The following METTL22 variants were observed in gnomAD, a reference collection of about 807,000 sequenced individuals.
METTL22 encodes the protein methyltransferase-like protein 22.
In METTL22, 51 loss-of-function variants were observed where a neutral mutation model predicts 48.4. The observed-to-expected ratio is 1.05, with a 90% confidence interval of 0.84 to 1.33. The LOEUF is 1.33. Among genes scored for constraint, METTL22 ranks in the 40% most tolerant of loss-of-function variants. METTL22 has a pLI of 0.00. For missense variants in METTL22, 678 were observed against 526.9 expected, an observed-to-expected ratio of 1.29 and a Z score of -2.81; for synonymous variants, 255 against 214.1, an observed-to-expected ratio of 1.19 and a Z score of -1.67.
At position 8,646,281 on chromosome 16, in the gene METTL22, A is replaced by G. The variant is rs190455664; in HGVS notation, c.*138A>G. 826 of 1,140,116 alleles carry G rather than the reference A, an allele frequency of 7.2e-4. 1 individual carries two copies. In the East Asian group the frequency reaches 0.016, roughly 21 times the overall value. 70.6% of individuals were successfully genotyped at this position (1,140,116 alleles called of 1,614,324 possible). A position where few individuals can be genotyped will look rare whatever the true frequency, so the allele number is the denominator to read the frequency against. Reference sequence around the variant, plus strand: ...TTACACGTACCTTAGATGACCCAAGATGGTTTTCTGGGGTCTGTCCCTGCC... The same window carrying G: ...TTACACGTACCTTAGATGACCCAAGGTGGTTTTCTGGGGTCTGTCCCTGCC... On this transcript the variant is annotated 3_prime_UTR_variant, in exon 11 of 11. Transcript: ENST00000381920.
At chr16:8,633,184 C>G (rs1041559136) in intron 3 of METTL22, among the ~76,000 whole-genome samples, 4 of 152,180 alleles carry the variant, frequency 2.6e-5, no homozygotes, top group African/African-American at 9.7e-5. Context: ...CACAAGCACA[C>G]AAGCCTTCAG....
chr16:8,658,552 G>C, the METTL22 span, among the ~76,000 whole-genome samples: 1 of 152,212 alleles, frequency 6.6e-6, no homozygotes, highest in Non-Finnish European at 1.5e-5. Context: ...CTCCAGAAGA[G>C]CTAGGTGGAC....
downstream of METTL22, among the ~76,000 whole-genome samples, chr16:8,650,175 T>G (rs949987405): frequency 6.6e-6 from 1 of 152,188 alleles, no homozygotes; most frequent in East Asian, 1.9e-4. Context: ...AACTTTTTTT[T>G]AATTAGCCAG....
chr16:8,644,368 C>T, intron 9 of METTL22, 189 bp from the exon 10 acceptor site: 1 of 554,160 alleles, frequency 1.8e-6, no homozygotes, highest in Non-Finnish European at 3.2e-6. Flanking sequence ...TATCCACTTC[C>T]ACCTCCTGGG....
At chr16:8,645,982 A>AGTTCGCCT in intron 10 of METTL22, 126 bp from the exon 11 acceptor site, 1 of 1,268,478 alleles carries the variant, frequency 7.9e-7, no homozygotes, top group East Asian at 3.0e-5. Flanking sequence ...CTCCTGCCCC[A>AGTTCGCCT]GCTCGCCTGC....
At chr16:8,660,319 G>T in the METTL22 span, among the ~76,000 whole-genome samples, 1 of 151,944 alleles carries the variant, frequency 6.6e-6, no homozygotes, top group Non-Finnish European at 1.5e-5. Context: ...AACTACAAGC[G>T]CACACCACCA....
intron 3 of METTL22, among the ~76,000 whole-genome samples, chr16:8,633,506 T>C (rs1323480696): frequency 6.6e-6 from 1 of 152,198 alleles, no homozygotes; most frequent in Admixed American, 6.5e-5. Flanking sequence ...CTCGAGAGGC[T>C]TAGGTGGCAG....
At chr16:8,641,971 T>C in intron 7 of METTL22, 156 bp from the exon 8 acceptor site, 1 of 651,988 alleles carries the variant, frequency 1.5e-6, no homozygotes, top group Non-Finnish European at 2.8e-6. Context: ...GCAGTGGGCC[T>C]GAAGCAGGGA....
chr16:8,650,612 CAT>C (rs1169328402), downstream of METTL22, among the ~76,000 whole-genome samples: 27 of 152,214 alleles, frequency 1.8e-4, no homozygotes, highest in Non-Finnish European at 2.9e-5. Context: ...GTTCCCAACA[CAT>C]AAAATTATAA....
At chr16:8,663,768 A>G in the METTL22 span, among the ~76,000 whole-genome samples, 1 of 152,220 alleles carries the variant, frequency 6.6e-6, no homozygotes, top group Non-Finnish European at 1.5e-5. Flanking sequence ...CACATCTTGG[A>G]TCATCTTAGA....
At chr16:8,630,345 G>T (rs1384069411) in intron 3 of METTL22, among the ~76,000 whole-genome samples, 2 of 152,190 alleles carry the variant, frequency 1.3e-5, no homozygotes, top group African/African-American at 2.4e-5. Context: ...TGCAGATAGG[G>T]ATGAGTATTC....
rs372805119 is a variant in METTL22 at position 8,626,990 on chromosome 16, A to G, written c.133+1192A>G. On this transcript the variant is annotated intron_variant, in intron 2 of 10. Coordinates refer to ENST00000381920, the MANE Select transcript of METTL22 (RefSeq NM_024109.4). The stretch of plus-strand genomic sequence containing the variant: ...CACCGTGTTAACCAGAATGGTCTTG[A>G]TCTCCTGACCTCGTGCCGCCCGCCT... Among the ~76,000 whole-genome samples the G allele has an allele frequency of 1.3e-4, 20 of 149,820 alleles. 2 individuals carry two copies. Among genetic ancestry groups the G allele is most frequent in the African/African-American group, 4.9e-4 (20 of 40,566 alleles).
intron 2 of METTL22, among the ~76,000 whole-genome samples, chr16:8,626,483 C>CT (rs1272489520): frequency 2.1e-5 from 3 of 145,418 alleles, no homozygotes; most frequent in African/African-American, 7.8e-5. Context: ...GAAGCTCGCT[C>CT]TGTCACCCAG....
rs377635180 is a variant in METTL22 at position 8,642,177 on chromosome 16, G to T, written c.877G>T (p.Asp293Tyr). The change falls in exon 8 of 11, where the codon GAT becomes TAT. Residue 293 changes from aspartate to tyrosine, a missense_variant. By Grantham distance (160) the Asp-to-Tyr change is radical (BLOSUM62 -3). Coordinates refer to ENST00000381920, the MANE Select transcript of METTL22 (RefSeq NM_024109.4). ...ACAAGAGGAAATTTCTGACTTGTAC[G>T]ATCACACCACCATCCTGTTTGCAGC... is the stretch of plus-strand genomic sequence containing the variant. ...WSQEEISDLY[D>Y]HTTILFAAEV... is the part of the protein sequence containing the mutation. The T allele has an allele frequency of 9.3e-6, 15 of 1,613,668 alleles. No individual in the cohort carries two copies. The highest frequency in any genetic ancestry group is 1.2e-5 in the Non-Finnish European group (14 of 1,179,626).
At position 8,644,578 on chromosome 16, in the gene METTL22, C is replaced by T; in HGVS notation, c.1032C>T (p.His344=). 1 of 1,575,614 alleles carries T rather than the reference C, an allele frequency of 6.3e-7. No individual in the cohort carries two copies. Among genetic ancestry groups the T allele is most frequent in the Non-Finnish European group, 8.6e-7 (1 of 1,158,740 alleles). Reference sequence around the variant, plus strand: ...GCAGGCTCAACTTCACATTGAGACACTTGGACGTCACATGTGAAGCCTACG... The same window carrying T: ...GCAGGCTCAACTTCACATTGAGACATTTGGACGTCACATGTGAAGCCTACG... ...VEKRLNFTLR[H]LDVTCEAYDH... is the part of the protein sequence containing the mutation. Residue 344 remains histidine, a synonymous_variant, in exon 10 of 11, where the codon CAC becomes CAT. Coordinates refer to ENST00000381920, the MANE Select transcript of METTL22 (RefSeq NM_024109.4).
chr16:8,666,745 A>G, the METTL22 span: 1 of 150,806 alleles, frequency 6.6e-6, no homozygotes, highest in Non-Finnish European at 1.5e-5. Flanking sequence ...CCATTCTGCC[A>G]TGCTGTCTCC....
At chr16:8,642,373 A>T in intron 8 of METTL22, 90 bp from the exon 9 acceptor site, 1 of 1,339,428 alleles carries the variant, frequency 7.5e-7, no homozygotes, top group Non-Finnish European at 1.1e-6. Flanking sequence ...CGTGGTGATA[A>T]GCATTCTCTC....
At chr16:8,630,821 G>A (rs559412552) in intron 3 of METTL22, among the ~76,000 whole-genome samples, 7 of 152,300 alleles carry the variant, frequency 4.6e-5, no homozygotes, top group African/African-American at 1.4e-4. Context: ...CTGCCCTGAC[G>A]GAGGAGAGTG....
intron 10 of METTL22, chr16:8,645,091 C>T (rs2056745754): frequency 5.8e-6 from 1 of 173,888 alleles, no homozygotes; most frequent in Non-Finnish European, 1.2e-5. Context: ...AGGCGCCCCG[C>T]TGTGGTGGCC....
Sources: allele counts gnomAD v4.1 joint callset (sites outside exome capture counted in the v4.1 genomes callset), GRCh38; gene constraint gnomAD v4.1.1; transcripts MANE v1.5; gene names NCBI Gene and HGNC (gene_info 2026-07-23, HGNC 2026-07-21).